Variants in EFR3B observed in about 807,000 individuals in gnomAD.
EFR3B encodes protein EFR3 homolog B.
In EFR3B, 64 loss-of-function variants were observed where a neutral mutation model predicts 104.7. That is an observed-to-expected ratio of 0.61 (90% CI 0.50 to 0.75). The LOEUF is 0.75. Among genes scored for constraint, EFR3B ranks in the 30% least tolerant of loss-of-function variants. EFR3B has a pLI of 0.00. For synonymous variants in EFR3B, 385 were observed against 417.9 expected (o/e 0.92, Z 0.96); for missense variants, 750 against 1,078.5 (o/e 0.70, Z 4.27).
chr2:25,085,138 C>A (rs147286749), intron 1 of EFR3B, among the ~76,000 whole-genome samples: 1 of 152,182 alleles, frequency 6.6e-6, no homozygotes, highest in Non-Finnish European at 1.5e-5. Flanking sequence ...CCCCAACTAT[C>A]GGAGCTCAAG....
chr2:25,050,016 G>C (rs1279519538), intron 1 of EFR3B, among the ~76,000 whole-genome samples: 2 of 150,874 alleles, frequency 1.3e-5, no homozygotes, highest in Non-Finnish European at 2.9e-5. Context: ...TATAATCCCA[G>C]CTACTTGGGA....
Position 25,080,283 on chromosome 2 carries a change from C to CTTTTTTTTTTT in EFR3B, c.8-11024_8-11014dup, listed in dbSNP as rs563438610. The CTTTTTTTTTTT allele has an allele frequency of 9.6e-4, 148 of 154,960 alleles. 9 individuals carry two copies. The highest frequency in any genetic ancestry group is 4.9e-3 in the African/African-American group (37 of 7,618). The allele number at this position is 154,960 out of a possible 1,614,324, so 9.6% of individuals were successfully genotyped here. A position where few individuals can be genotyped will look rare whatever the true frequency, so the allele number is the denominator to read the frequency against. ...AGCTGGCTGGAGTCCCTCCCCAAAG[C>CTTTTTTTTTTT]TTTTTTTTTTTTTTTTTTTTTTTTT... On this transcript the variant is annotated intron_variant, in intron 1 of 22. Coordinates refer to ENST00000403714, the MANE Select transcript of EFR3B (RefSeq NM_014971.2).
chr2:25,113,830 G>T (rs1395091839), intron 4 of EFR3B, among the ~76,000 whole-genome samples: 2 of 152,162 alleles, frequency 1.3e-5, no homozygotes, highest in Admixed American at 1.3e-4. Flanking sequence ...GAGGCAGGTA[G>T]AGCTTTGGTC....
intron 1 of EFR3B, among the ~76,000 whole-genome samples, chr2:25,047,352 G>C (rs1215592672): frequency 6.6e-6 from 1 of 152,048 alleles, no homozygotes; most frequent in Non-Finnish European, 1.5e-5. Context: ...TCTTGAACCT[G>C]AGCATTTCTG....
At chr2:25,084,881 C>A (rs752164070) in intron 1 of EFR3B, among the ~76,000 whole-genome samples, 1 of 152,192 alleles carries the variant, frequency 6.6e-6, no homozygotes, top group African/African-American at 2.4e-5. Context: ...AGAGAGGGGA[C>A]TTCGAATAGA....
intron 10 of EFR3B, among the ~76,000 whole-genome samples, chr2:25,132,605 C>T (rs1670379149): frequency 1.3e-5 from 2 of 151,748 alleles, no homozygotes; most frequent in African/African-American, 2.4e-5. Flanking sequence ...CCCCCCGCTC[C>T]GCCCTGGTCC....
At chr2:25,115,148 T>G (rs149682865) in intron 4 of EFR3B, among the ~76,000 whole-genome samples, 3 of 152,242 alleles carry the variant, frequency 2.0e-5, no homozygotes, top group African/African-American at 7.2e-5. Flanking sequence ...GCCTCTGCAC[T>G]CCAGCCTGGG....
At chr2:25,118,586 G>C (rs1669926649) in intron 4 of EFR3B, among the ~76,000 whole-genome samples, 1 of 151,974 alleles carries the variant, frequency 6.6e-6, no homozygotes. Context: ...ACTATGTGAG[G>C]TGTTACGTTA....
At chr2:25,096,991 A>G (rs1043311099) in intron 3 of EFR3B, among the ~76,000 whole-genome samples, 1 of 152,232 alleles carries the variant, frequency 6.6e-6, no homozygotes, top group African/African-American at 2.4e-5. Context: ...GGGCCTTGAC[A>G]TATTGTAAAT....
chr2:25,054,949 A>G (rs1667977827), intron 1 of EFR3B, among the ~76,000 whole-genome samples: 1 of 152,246 alleles, frequency 6.6e-6, no homozygotes, highest in Non-Finnish European at 1.5e-5. Context: ...CACAAAGAGG[A>G]CAGAGGTGAC....
In EFR3B at chr2:25,109,643, A is replaced by G. The variant is rs569601154; in HGVS notation, c.363+5856A>G. 1.2e-4 allele frequency among the ~76,000 whole-genome samples: 19 copies of G among 152,336 alleles called. No homozygotes were observed. In the Middle Eastern group the frequency reaches 0.017, roughly 136 times the overall value. On this transcript the variant is annotated intron_variant, in intron 4 of 22. Coordinates refer to ENST00000403714, the MANE Select transcript of EFR3B (RefSeq NM_014971.2). Reference sequence around the variant, plus strand: ...AAAAAGGTCACCTATTTATCGTCCCATGTATATGAGATATTCAGTTAGGTA... The same window carrying G: ...AAAAAGGTCACCTATTTATCGTCCCGTGTATATGAGATATTCAGTTAGGTA...
chr2:25,058,903 A>G (rs1456721137), intron 1 of EFR3B, among the ~76,000 whole-genome samples: 1 of 152,080 alleles, frequency 6.6e-6, no homozygotes. Flanking sequence ...TCAGAGAGGG[A>G]AAAATAGAAT....
In EFR3B at chr2:25,126,908, G is replaced by A. The variant is rs115338113; in HGVS notation, c.486-1275G>A. 6.0e-3 allele frequency among the ~76,000 whole-genome samples: 906 copies of A among 151,794 alleles called. 4 individuals carry two copies. The highest frequency in any genetic ancestry group is 0.02 in the African/African-American group (838 of 41,444). ...CATAGCATTATTATAAAAGTGAAAC[G>A]TTTGGCCAGGCACGGTGGCTCACAC... On this transcript the variant is annotated intron_variant, in intron 5 of 22. Transcript: ENST00000403714.
chr2:25,121,382 G>C lies in EFR3B; in HGVS notation c.364-291G>C, dbSNP rs558482526. Among the ~76,000 whole-genome samples the C allele has an allele frequency of 8.5e-5, 13 of 152,320 alleles. No individual in the cohort carries two copies. In the South Asian group the frequency reaches 2.5e-3, roughly 29 times the overall value. Reference sequence around the variant, plus strand: ...GTGTTTGTGCAGCTCTGGATGGAGCGATGAGGGCAGGTGCTTCTGTGAGCC... The same window carrying C: ...GTGTTTGTGCAGCTCTGGATGGAGCCATGAGGGCAGGTGCTTCTGTGAGCC... On this transcript the variant is annotated intron_variant, in intron 4 of 22. Coordinates refer to ENST00000403714, the MANE Select transcript of EFR3B (RefSeq NM_014971.2).
intron 1 of EFR3B, among the ~76,000 whole-genome samples, chr2:25,053,411 A>G (rs1375767895): frequency 1.3e-5 from 2 of 152,290 alleles, no homozygotes; most frequent in East Asian, 3.9e-4. Context: ...GAAAGAAAGC[A>G]TGGGCATGCC....
In EFR3B at chr2:25,136,877, A is replaced by G. The variant is rs1670530879; in HGVS notation, c.1560+279A>G. 6.6e-6 allele frequency among the ~76,000 whole-genome samples: 1 copy of G among 152,114 alleles called. No homozygotes were observed. Among genetic ancestry groups the G allele is most frequent in the African/African-American group, 2.4e-5 (1 of 41,440 alleles). ...GTTGCAGTGAACCGAGATTGTGCCA[A>G]TGTACTTCAGCCTGGGTGACAGAGC... is the stretch of plus-strand genomic sequence containing the variant. On this transcript the variant is annotated intron_variant, in intron 14 of 22. Transcript: ENST00000403714. The surrounding 1 kb of genome is among the most constrained non-coding windows in gnomAD (Gnocchi z 4.0).
intron 1 of EFR3B, among the ~76,000 whole-genome samples, chr2:25,071,254 C>T (rs1668487500): frequency 6.9e-6 from 1 of 145,898 alleles, no homozygotes; most frequent in African/African-American, 2.6e-5. Flanking sequence ...GCCACCGTGC[C>T]CGGCCTTTTT....
intron 4 of EFR3B, among the ~76,000 whole-genome samples, chr2:25,112,230 T>C (rs1669741869): frequency 6.6e-6 from 1 of 152,240 alleles, no homozygotes; most frequent in African/African-American, 2.4e-5. Context: ...GGCATGGGGC[T>C]CAGCCCCAGG....
At position 25,159,025 on chromosome 2, in the gene EFR3B, G is replaced by A. The variant is rs1388299765; in HGVS notation, c.*4685G>A. 1 of 152,218 alleles carries A rather than the reference G, an allele frequency of 6.6e-6. No homozygotes were observed. The highest frequency in any genetic ancestry group is 1.5e-5 in the Non-Finnish European group (1 of 68,036). 9.4% of individuals were successfully genotyped at this position (152,218 alleles called of 1,614,324 possible). On this transcript the variant is annotated 3_prime_UTR_variant, in exon 23 of 23. Coordinates refer to ENST00000403714, the MANE Select transcript of EFR3B (RefSeq NM_014971.2). ...GGAAGTGGGAAAGGCGGAGTGGGGG[G>A]AAGTATAGGAAGAAGGATTCTTAGC...
Sources: gnomAD v4.1 joint callset for allele counts (sites outside exome capture counted in the v4.1 genomes callset) on GRCh38, gnomAD v4.1.1 for gene constraint, Gnocchi (gnomAD v3.1) non-coding constraint, MANE v1.5 for transcripts, NCBI Gene and HGNC (gene_info 2026-07-23, HGNC 2026-07-21) for gene names.